Variants in LINGO2 observed in about 807,000 individuals in gnomAD.
LINGO2 encodes leucine rich repeat and Ig domain containing 2.
In LINGO2, 14 loss-of-function variants were observed where a neutral mutation model predicts 30.6. The observed-to-expected ratio is 0.46, with a 90% CI of 0.30 to 0.72. The LOEUF (loss-of-function observed/expected upper bound fraction) is 0.72. Among genes scored for constraint, LINGO2 ranks in the 30% least tolerant of loss-of-function variants. The pLI, the probability that LINGO2 is intolerant of heterozygous loss-of-function variation, is 0.07. For synonymous variants in LINGO2, 317 were observed against 288.5 expected (o/e 1.10, Z -1.00); for missense variants, 729 against 751.7 (o/e 0.97, Z 0.35).
chr9:28,826,112 G>A, the LINGO2 span, among the ~76,000 whole-genome samples: 457 of 152,202 alleles, frequency 3.0e-3, 4 homozygotes, highest in African/African-American at 0.01. Context: ...AATGGGTATT[G>A]AACTGTAAGA....
chr9:28,625,127 G>A (rs1185272253), intron 1 of LINGO2, among the ~76,000 whole-genome samples: 1 of 152,044 alleles, frequency 6.6e-6, no homozygotes, highest in African/African-American at 2.4e-5. Context: ...AGCTTGTGGT[G>A]GTGAGGCTTG....
At chr9:28,998,777 T>A in the LINGO2 span, among the ~76,000 whole-genome samples, 1 of 152,194 alleles carries the variant, frequency 6.6e-6, no homozygotes, top group Non-Finnish European at 1.5e-5. Flanking sequence ...AACAGATGCA[T>A]CATAGCCACC....
At chr9:28,348,811 C>A (rs1819709903) in intron 3 of LINGO2, among the ~76,000 whole-genome samples, 2 of 152,010 alleles carry the variant, frequency 1.3e-5, no homozygotes, top group Admixed American at 6.6e-5. Flanking sequence ...TGAGAACGGG[C>A]AGACTGCCTC....
intron 1 of LINGO2, among the ~76,000 whole-genome samples, chr9:28,627,570 C>T (rs1826738722): frequency 6.6e-6 from 1 of 152,012 alleles, no homozygotes. Flanking sequence ...ATCTTATTTC[C>T]ATTCTCTTCT....
chr9:28,897,558 G>A, the LINGO2 span, among the ~76,000 whole-genome samples: 1 of 152,226 alleles, frequency 6.6e-6, no homozygotes, highest in Admixed American at 6.5e-5. Flanking sequence ...TGTTTTACCA[G>A]TAAGGACTGG....
chr9:28,304,606 T>A (rs139725031), intron 3 of LINGO2, among the ~76,000 whole-genome samples: 391 of 152,198 alleles, frequency 2.6e-3, no homozygotes, highest in African/African-American at 9.1e-3. Flanking sequence ...TTGTTTCACC[T>A]GTTCTTGAGC....
chr9:28,634,035 C>T (rs1827128291), intron 1 of LINGO2, among the ~76,000 whole-genome samples: 1 of 152,028 alleles, frequency 6.6e-6, no homozygotes, highest in Non-Finnish European at 1.5e-5. Context: ...TGGATAAGAA[C>T]AAGAAAGAGG....
chr9:28,081,013 A>T (rs10757710), intron 4 of LINGO2: 135,986 of 152,216 alleles, frequency 0.89, 61,124 homozygotes, highest in South Asian at 0.97. Context: ...TTTATTAATT[A>T]AAGTTTAGAA....
At chr9:28,346,791 G>A (rs1587506565) in intron 3 of LINGO2, among the ~76,000 whole-genome samples, 1 of 125,452 alleles carries the variant, frequency 8.0e-6, no homozygotes, top group South Asian at 2.4e-4. Context: ...TAGTGATATT[G>A]AGTCTTTTTT....
chr9:28,092,987 G>C (rs1826140669), intron 4 of LINGO2, among the ~76,000 whole-genome samples: 1 of 151,998 alleles, frequency 6.6e-6, no homozygotes, highest in Admixed American at 6.6e-5. Flanking sequence ...TCCATTTTAT[G>C]GAAGGGATGC....
At chr9:28,872,709 C>T in the LINGO2 span, among the ~76,000 whole-genome samples, 1 of 152,070 alleles carries the variant, frequency 6.6e-6, no homozygotes, top group Non-Finnish European at 1.5e-5. Flanking sequence ...ATCAACAGTT[C>T]TTAGATGTAT....
the LINGO2 span, among the ~76,000 whole-genome samples, chr9:28,914,779 A>C: frequency 5.9e-5 from 9 of 152,324 alleles, no homozygotes; most frequent in Middle Eastern, 3.4e-3. Context: ...GGCTGTATAC[A>C]GTTACAAGTA....
At chr9:28,233,393 A>C (rs1821443193) in intron 4 of LINGO2, among the ~76,000 whole-genome samples, 1 of 152,168 alleles carries the variant, frequency 6.6e-6, no homozygotes, top group Admixed American at 6.5e-5. Flanking sequence ...ATATCTGGCA[A>C]GATGACCTTG....
At chr9:28,032,112 G>T (rs1343472788) in intron 4 of LINGO2, among the ~76,000 whole-genome samples, 1 of 151,960 alleles carries the variant, frequency 6.6e-6, no homozygotes, top group African/African-American at 2.4e-5. Context: ...AATAAAAACA[G>T]CTTTGGCCTT....
the LINGO2 span, among the ~76,000 whole-genome samples, chr9:28,895,048 A>G: frequency 2.6e-5 from 4 of 152,072 alleles, no homozygotes; most frequent in Non-Finnish European, 4.4e-5. Flanking sequence ...GTAATTATCT[A>G]TTTTACTGAC....
intron 1 of LINGO2, among the ~76,000 whole-genome samples, chr9:28,608,442 T>C (rs1825781723): frequency 6.6e-6 from 1 of 152,024 alleles, no homozygotes. Context: ...TAAAACTGTT[T>C]TCTAAAATAT....
intron 4 of LINGO2, among the ~76,000 whole-genome samples, chr9:28,128,824 T>C (rs1587045373): frequency 6.6e-6 from 1 of 151,520 alleles, no homozygotes; most frequent in Non-Finnish European, 1.5e-5. Flanking sequence ...ATGCAAAGTA[T>C]TGTTTCTGAC....
the LINGO2 span, among the ~76,000 whole-genome samples, chr9:29,189,311 C>T: frequency 8.6e-5 from 13 of 151,614 alleles, no homozygotes; most frequent in African/African-American, 1.7e-4. Flanking sequence ...GGCTGCCGGG[C>T]GGAGACGCTC....
chr9:28,431,347 C>G (rs1190673938), intron 2 of LINGO2, among the ~76,000 whole-genome samples: 1 of 152,080 alleles, frequency 6.6e-6, no homozygotes, highest in Non-Finnish European at 1.5e-5. Flanking sequence ...TTCCTGTCAT[C>G]TGCCTAGTGT....
Sources: gnomAD v4.1 joint callset for allele counts (sites outside exome capture counted in the v4.1 genomes callset) on GRCh38, gnomAD v4.1.1 for gene constraint, MANE v1.5 for transcripts, NCBI Gene and HGNC (gene_info 2026-07-23, HGNC 2026-07-21) for gene names.